The following WDR7 variants were observed in gnomAD, a reference collection of about 807,000 sequenced individuals.
The protein encoded by WDR7 is WD repeat domain 7.
WDR7 carries 46 observed loss-of-function variants against 169.4 expected under a neutral mutation model. The ratio of observed to expected loss-of-function variants is 0.27; its 90% CI spans 0.21 to 0.35. WDR7 has a LOEUF of 0.35. WDR7 is among the 10% of genes least tolerant of loss of function. The pLI is 1.00. For synonymous variants in WDR7, 612 were observed against 666.8 expected, an observed-to-expected ratio of 0.92 and a Z score of 1.27; for missense variants, 1,534 against 1,859.3, an observed-to-expected ratio of 0.83 and a Z score of 3.22.
At chr18:56,969,970 T>C (rs766745146) in intron 26 of WDR7, among the ~76,000 whole-genome samples, 55 of 152,342 alleles carry the variant, frequency 3.6e-4, no homozygotes, top group Admixed American at 1.0e-3. Context: ...CAGCTTCTTC[T>C]TAGTTTTGTG....
chr18:56,891,942 A>G (rs909154295), intron 21 of WDR7, among the ~76,000 whole-genome samples: 1 of 152,028 alleles, frequency 6.6e-6, no homozygotes, highest in African/African-American at 2.4e-5. Context: ...TTCAGATTGG[A>G]TGGAAGTTTT....
chr18:56,690,809 T>C (rs2025549808), intron 7 of WDR7, among the ~76,000 whole-genome samples: 1 of 48,284 alleles, frequency 2.1e-5, no homozygotes, highest in African/African-American at 4.3e-5. Context: ...AGCAAGACTT[T>C]GTCTCAAGAA....
chr18:56,677,772 C>T (rs2025273731), intron 2 of WDR7, among the ~76,000 whole-genome samples: 1 of 152,070 alleles, frequency 6.6e-6, no homozygotes, highest in African/African-American at 2.4e-5. Context: ...GCTTGGTGTT[C>T]TATAAGTACT....
chr18:57,017,625 C>T (rs573624296), intron 26 of WDR7, among the ~76,000 whole-genome samples: 1 of 151,976 alleles, frequency 6.6e-6, no homozygotes, highest in Non-Finnish European at 1.5e-5. Context: ...GAAAACGGAA[C>T]AGTGATGAGT....
At chr18:56,998,936 C>T (rs904228722) in intron 26 of WDR7, among the ~76,000 whole-genome samples, 9 of 152,278 alleles carry the variant, frequency 5.9e-5, no homozygotes, top group East Asian at 1.9e-4. Flanking sequence ...TACATCGTAG[C>T]GCTTAATAGC....
rs138399712 is a variant in WDR7, at chr18:56,706,729, C to G, written c.1578+10267C>G. Among the ~76,000 whole-genome samples, 154 of 151,784 alleles carry G rather than the reference C, an allele frequency of 1.0e-3. 2 individuals carry two copies. In the East Asian group the frequency reaches 0.029, roughly 29 times the overall value. On this transcript the variant is annotated intron_variant, in intron 12 of 27. Transcript: ENST00000254442. ...TTGAGATGGAGTCTCGCTCTGTCAC[C>G]CAGGCTGGAGTGCAGTGGTGCCATC...
chr18:56,660,472 A>G (rs112256240), intron 1 of WDR7, among the ~76,000 whole-genome samples: 269 of 152,244 alleles, frequency 1.8e-3, no homozygotes, highest in African/African-American at 6.1e-3. Flanking sequence ...GTATAATACA[A>G]ATATCCCCAA....
At chr18:56,699,177 G>A (rs1402594806) in intron 12 of WDR7, among the ~76,000 whole-genome samples, 2 of 152,196 alleles carry the variant, frequency 1.3e-5, no homozygotes, top group South Asian at 4.1e-4. Context: ...TTAATAACCT[G>A]TTCAGTTAGC....
rs1391942888 is a variant in WDR7 at position 56,694,964 on chromosome 18, A to T, written c.1123A>T (p.Thr375Ser). 2.5e-6 allele frequency: 4 copies of T among 1,613,536 alleles called. No individual in the cohort carries two copies. In the African/African-American group the frequency reaches 5.3e-5, roughly 22 times the overall value. ...QGSEEGLAMT[T>S]SISLQEAFDK... is the part of the protein sequence containing the mutation. Reference sequence around the variant, plus strand: ...AACCTCTACAGGGCTGGCAATGACAACTTCTATTAGTTTGCAAGAGGCATT... The same window carrying T: ...AACCTCTACAGGGCTGGCAATGACATCTTCTATTAGTTTGCAAGAGGCATT... Residue 375 changes from threonine to serine, a missense_variant, in exon 11 of 28, where the codon ACT becomes TCT. Coordinates refer to ENST00000254442, the MANE Select transcript of WDR7 (RefSeq NM_015285.3).
chr18:56,935,722 T>C, intron 22 of WDR7, 66 bp from the exon 23 acceptor site: 2 of 1,464,854 alleles, frequency 1.4e-6, no homozygotes, highest in Non-Finnish European at 1.9e-6. Flanking sequence ...AAGCTGTGTC[T>C]AATCTTTTCA....
intron 26 of WDR7, among the ~76,000 whole-genome samples, chr18:56,993,297 A>G (rs1232751655): frequency 6.6e-6 from 1 of 152,202 alleles, no homozygotes; most frequent in Non-Finnish European, 1.5e-5. Context: ...GTTTCTACCT[A>G]ATACTTAGCT....
intron 20 of WDR7, among the ~76,000 whole-genome samples, chr18:56,826,944 A>G (rs1285553609): frequency 1.3e-5 from 2 of 152,172 alleles, no homozygotes; most frequent in Admixed American, 6.5e-5. Context: ...GCAATGATCA[A>G]ATTTTAGATA....
intron 16 of WDR7, among the ~76,000 whole-genome samples, chr18:56,768,778 C>T (rs920077151): frequency 6.6e-6 from 1 of 152,154 alleles, no homozygotes; most frequent in Non-Finnish European, 1.5e-5. Context: ...GTATTGCAAA[C>T]ATGAATATGC....
intron 26 of WDR7, among the ~76,000 whole-genome samples, chr18:57,000,684 G>A (rs1299741068): frequency 6.6e-6 from 1 of 152,074 alleles, no homozygotes; most frequent in East Asian, 1.9e-4. Context: ...GTGCATGATT[G>A]TATTATTTTC....
At chr18:56,979,603 G>C (rs966467840) in intron 26 of WDR7, among the ~76,000 whole-genome samples, 6 of 152,174 alleles carry the variant, frequency 3.9e-5, no homozygotes, top group African/African-American at 4.8e-5. Context: ...CAGAATTCAG[G>C]ATGCCCCTAT....
At chr18:56,824,466 A>G (rs539834905) in intron 20 of WDR7, among the ~76,000 whole-genome samples, 38 of 152,318 alleles carry the variant, frequency 2.5e-4, no homozygotes, top group African/African-American at 8.7e-4. Flanking sequence ...TTCTCAATAA[A>G]TGTTTATTGA....
At chr18:56,940,156 A>G (rs923389970) in intron 25 of WDR7, among the ~76,000 whole-genome samples, 8 of 152,114 alleles carry the variant, frequency 5.3e-5, no homozygotes, top group Non-Finnish European at 8.8e-5. Context: ...TTTTGTAGAA[A>G]ACAGAACAAC....
chr18:56,860,164 G>A (rs7244596), intron 20 of WDR7, among the ~76,000 whole-genome samples: 1 of 152,110 alleles, frequency 6.6e-6, no homozygotes, highest in Non-Finnish European at 1.5e-5. Context: ...AGCACAGAAT[G>A]ATGGGCCCAT....
intron 20 of WDR7, among the ~76,000 whole-genome samples, chr18:56,829,349 G>C (rs750574413): frequency 8.6e-5 from 13 of 152,026 alleles, no homozygotes; most frequent in Non-Finnish European, 1.6e-4. Flanking sequence ...TAGCCACCCT[G>C]AGGGTTACTT....
Sources: allele counts gnomAD v4.1 joint callset (sites outside exome capture counted in the v4.1 genomes callset), GRCh38; gene constraint gnomAD v4.1.1; transcripts MANE v1.5; gene names NCBI Gene and HGNC (gene_info 2026-07-23, HGNC 2026-07-21).